PCDH11X: variants seen among roughly 807,000 people sequenced by gnomAD.
PCDH11X encodes the protein protocadherin-11 X-linked.
PCDH11X carries 18 observed loss-of-function variants against 53.3 expected under a neutral mutation model. The observed-to-expected ratio is 0.34, with a 90% CI of 0.23 to 0.50. PCDH11X has a LOEUF of 0.50. Ranked by LOEUF, PCDH11X falls within the 20% of genes least tolerant of loss-of-function variation. The probability of loss-of-function intolerance (pLI) is 0.98; values close to 1 mark genes in which losing one functional copy is unlikely to be tolerated. For synonymous variants in PCDH11X, 279 were observed against 393.3 expected, an observed-to-expected ratio of 0.71 and a Z score of 3.44; for missense variants, 570 against 1,032.4, an observed-to-expected ratio of 0.55 and a Z score of 6.14.
intron 6 of PCDH11X, among the ~76,000 whole-genome samples, chrX:91,891,933 A>T (rs1327254067): frequency 1.4e-4 from 13 of 90,779 alleles, no homozygotes; most frequent in African/African-American, 3.9e-4. Flanking sequence ...ATCAGGGTTT[A>T]AAAAAAAAAA....
chrX:92,593,757 C>T (rs1322417367), intron 10 of PCDH11X, among the ~76,000 whole-genome samples: 1 of 110,349 alleles, frequency 9.1e-6, no homozygotes, highest in Non-Finnish European at 1.9e-5. Flanking sequence ...TAATGCTGGG[C>T]AAGAATCTGT....
chrX:92,390,701 A>T (rs190127725), intron 9 of PCDH11X, among the ~76,000 whole-genome samples: 2,637 of 96,623 alleles, frequency 0.027, 106 homozygotes, highest in African/African-American at 0.084. Context: ...TACATCTTCA[A>T]TCTGCTTTCT....
chrX:92,162,983 A>C (rs1314422110), intron 6 of PCDH11X, among the ~76,000 whole-genome samples: 1 of 100,856 alleles, frequency 9.9e-6, no homozygotes, highest in Non-Finnish European at 2.0e-5. Flanking sequence ...GTCTGAGCTC[A>C]GATTCTCTTT....
intron 9 of PCDH11X, chrX:92,420,425 C>A (rs187320546): frequency 2.3e-5 from 6 of 257,493 alleles, no homozygotes; most frequent in Admixed American, 2.2e-4. Flanking sequence ...CTCTTAAGAA[C>A]GAGATTTAAT....
intron 7 of PCDH11X, among the ~76,000 whole-genome samples, chrX:92,228,743 ATTAC>A (rs1434821499): frequency 8.9e-6 from 1 of 111,732 alleles, no homozygotes; most frequent in Non-Finnish European, 1.9e-5. Flanking sequence ...AGCTGATATT[ATTAC>A]TTGAAAAAAA....
intron 5 of PCDH11X, among the ~76,000 whole-genome samples, chrX:91,840,694 G>T (rs1937495162): frequency 9.0e-6 from 1 of 110,773 alleles, no homozygotes; most frequent in Non-Finnish European, 1.9e-5. Flanking sequence ...ATAATACATT[G>T]TGAAGACAAA....
At chrX:92,313,148 G>A (rs1300143457) in intron 8 of PCDH11X, among the ~76,000 whole-genome samples, 2 of 110,974 alleles carry the variant, frequency 1.8e-5, no homozygotes, top group Admixed American at 9.6e-5. Flanking sequence ...GGATAAAGAT[G>A]ACATTTCTTC....
intron 6 of PCDH11X, among the ~76,000 whole-genome samples, chrX:91,972,026 A>T (rs939315162): frequency 1.3e-4 from 14 of 111,337 alleles, no homozygotes; most frequent in African/African-American, 4.6e-4. Flanking sequence ...TAATAACAAC[A>T]TACTTGAAAA....
chrX:92,371,867 A>G (rs2070632189), intron 8 of PCDH11X, among the ~76,000 whole-genome samples: 1 of 111,468 alleles, frequency 9.0e-6, no homozygotes, highest in African/African-American at 3.3e-5. Flanking sequence ...ACTTTTGGGT[A>G]TATAAGGAAG....
chrX:92,026,334 A>C (rs1022327550), intron 6 of PCDH11X, among the ~76,000 whole-genome samples: 23 of 108,808 alleles, frequency 2.1e-4, no homozygotes, highest in Middle Eastern at 9.4e-3. Flanking sequence ...CTGCTTTCAC[A>C]CTACAGTGGC....
chrX:91,907,401 A>ACC (rs1182354375), intron 6 of PCDH11X, among the ~76,000 whole-genome samples: 805 of 57,185 alleles, frequency 0.014, 13 homozygotes, highest in African/African-American at 0.035. Flanking sequence ...ACACACACAC[A>ACC]CACACACACA....
chrX:92,563,558 T>G (rs1188020935), intron 10 of PCDH11X, among the ~76,000 whole-genome samples: 5 of 111,463 alleles, frequency 4.5e-5, no homozygotes, highest in Non-Finnish European at 7.5e-5. Flanking sequence ...ATATTTAAAG[T>G]ACTGAAGGAA....
chrX:92,169,040 C>A (rs1043680452), intron 6 of PCDH11X, among the ~76,000 whole-genome samples: 6 of 110,585 alleles, frequency 5.4e-5, no homozygotes, highest in South Asian at 7.6e-4. Flanking sequence ...GTCCTTAATT[C>A]TTTTCTTTGG....
intron 8 of PCDH11X, among the ~76,000 whole-genome samples, chrX:92,274,219 G>A (rs1259394881): frequency 9.1e-6 from 1 of 109,585 alleles, no homozygotes; most frequent in Non-Finnish European, 1.9e-5. Context: ...AGCGAAAGTG[G>A]TAAAAGTATT....
intron 8 of PCDH11X, among the ~76,000 whole-genome samples, chrX:92,350,378 G>A (rs893522914): frequency 9.0e-6 from 1 of 110,657 alleles, no homozygotes; most frequent in African/African-American, 3.3e-5. Context: ...GGAAGATCTG[G>A]GGCTCAAAGT....
chrX:92,614,140 T>C (rs1160176514), intron 10 of PCDH11X, among the ~76,000 whole-genome samples: 1 of 110,412 alleles, frequency 9.1e-6, no homozygotes, highest in Non-Finnish European at 1.9e-5. Context: ...GATTTCTGCA[T>C]TTACATTTTG....
intron 10 of PCDH11X, among the ~76,000 whole-genome samples, chrX:92,584,137 C>T (rs773568329): frequency 5.9e-4 from 65 of 109,293 alleles, no homozygotes; most frequent in Non-Finnish European, 1.2e-3. Flanking sequence ...AAACAGTGTC[C>T]AGAGTAAATA....
chrX:92,080,593 T>C (rs1384982043), intron 6 of PCDH11X, among the ~76,000 whole-genome samples: 2 of 109,951 alleles, frequency 1.8e-5, no homozygotes, highest in Non-Finnish European at 3.8e-5. Flanking sequence ...CTTGATCCTG[T>C]AGGAGAGGCA....
At chrX:92,513,001 C>A (rs1336188304) in intron 10 of PCDH11X, among the ~76,000 whole-genome samples, 1 of 110,051 alleles carries the variant, frequency 9.1e-6, no homozygotes, top group Non-Finnish European at 1.9e-5. Context: ...ATTAGGTCTT[C>A]AATAAGGGTC....
Sources: allele counts gnomAD v4.1 joint callset (sites outside exome capture counted in the v4.1 genomes callset), GRCh38; gene constraint gnomAD v4.1.1; transcripts MANE v1.5; gene names NCBI Gene and HGNC (gene_info 2026-07-23, HGNC 2026-07-21).